PTPRD: variants seen among roughly 807,000 people sequenced by gnomAD.
PTPRD encodes the protein receptor-type tyrosine-protein phosphatase delta.
In PTPRD, 34 loss-of-function variants were observed where a neutral mutation model predicts 214.5. The observed-to-expected ratio is 0.16, with a 90% CI of 0.12 to 0.21. PTPRD has a LOEUF of 0.21. Among genes scored for constraint, PTPRD ranks in the 10% least tolerant of loss-of-function variants. The pLI, the probability that PTPRD is intolerant of heterozygous loss-of-function variation, is 1.00. For synonymous variants in PTPRD, 1,128 were observed against 845.7 expected, an observed-to-expected ratio of 1.33 and a Z score of -5.79; for missense variants, 2,545 against 2,398.7, an observed-to-expected ratio of 1.06 and a Z score of -1.27.
intron 12 of PTPRD, among the ~76,000 whole-genome samples, chr9:8,696,411 G>C (rs966007659): frequency 1.3e-4 from 20 of 152,316 alleles, no homozygotes; most frequent in African/African-American, 4.8e-4. Context: ...AATTCTAGAT[G>C]TGTGGAGGAA....
intron 5 of PTPRD, among the ~76,000 whole-genome samples, chr9:9,913,192 T>A (rs933406745): frequency 4.6e-5 from 7 of 152,172 alleles, no homozygotes; most frequent in African/African-American, 1.4e-4. Flanking sequence ...AAGAAAAGTA[T>A]GTTATGCATA....
chr9:8,803,833 T>G (rs2096619868), intron 11 of PTPRD, among the ~76,000 whole-genome samples: 1 of 152,082 alleles, frequency 6.6e-6, no homozygotes, highest in African/African-American at 2.4e-5. Flanking sequence ...AAAAGCCTAT[T>G]GCCAAAAAGC....
chr9:8,327,720 C>T (rs1051385793), intron 44 of PTPRD, among the ~76,000 whole-genome samples: 2 of 152,050 alleles, frequency 1.3e-5, no homozygotes, highest in Non-Finnish European at 2.9e-5. Context: ...CTGCATGCTC[C>T]TGTAGAGGGT....
chr9:8,409,039 T>C (rs548428324), intron 35 of PTPRD, among the ~76,000 whole-genome samples: 84 of 152,298 alleles, frequency 5.5e-4, no homozygotes, highest in Admixed American at 1.8e-3. Flanking sequence ...AAAAATAAGC[T>C]ATAGCAGATG....
chr9:9,936,113 A>G (rs1409982947), intron 5 of PTPRD, among the ~76,000 whole-genome samples: 1 of 146,030 alleles, frequency 6.8e-6, no homozygotes, highest in African/African-American at 2.8e-5. Context: ...TCGACCTAAA[A>G]CCATAAAAGC....
intron 7 of PTPRD, among the ~76,000 whole-genome samples, chr9:9,621,250 A>G (rs541242962): frequency 6.6e-6 from 1 of 152,354 alleles, no homozygotes; most frequent in East Asian, 1.9e-4. Flanking sequence ...CTAACAGTGG[A>G]TATTAGAACA....
chr9:8,758,921 G>A (rs566932001), intron 11 of PTPRD, among the ~76,000 whole-genome samples: 6 of 151,890 alleles, frequency 4.0e-5, no homozygotes, highest in South Asian at 4.2e-4. Flanking sequence ...TCCTGACCTC[G>A]TGATCCACCT....
intron 8 of PTPRD, among the ~76,000 whole-genome samples, chr9:9,460,655 A>G (rs1338373951): frequency 6.6e-6 from 1 of 152,182 alleles, no homozygotes; most frequent in East Asian, 1.9e-4. Flanking sequence ...AATAACTATT[A>G]TTAAAAAGTA....
At chr9:8,944,736 C>T (rs1174802801) in intron 11 of PTPRD, among the ~76,000 whole-genome samples, 1 of 151,706 alleles carries the variant, frequency 6.6e-6, no homozygotes, top group Non-Finnish European at 1.5e-5. Context: ...TGACGGTTAC[C>T]AGAGGCTGGG....
chr9:10,083,545 T>A (rs745307595), intron 3 of PTPRD, among the ~76,000 whole-genome samples: 1 of 152,032 alleles, frequency 6.6e-6, no homozygotes, highest in Non-Finnish European at 1.5e-5. Flanking sequence ...AATAAAAGCA[T>A]AAAGTTTTAA....
rs1554702865 is a variant in PTPRD at position 8,331,575 on chromosome 9, A to AACTTACCATTCTTGAACTGTAACTT, written c.5534+6_5534+7insAAGTTACAGTTCAAGAATGGTAAGT. Reference sequence around the variant, plus strand: ...TATCACTGCTTTATTCACAAATGGAAACTTACCTGCAATGGACTGAAATGG... The same window carrying AACTTACCATTCTTGAACTGTAACTT: ...TATCACTGCTTTATTCACAAATGGAAACTTACCATTCTTGAACTGTAACTTACTTACCTGCAATGGACTGAAATGG... On this transcript the variant is annotated splice_region_variant and intron_variant, in intron 44 of 45. Coordinates refer to ENST00000381196, the MANE Select transcript of PTPRD (RefSeq NM_002839.4). 14 of 1,509,578 alleles carry AACTTACCATTCTTGAACTGTAACTT rather than the reference A, an allele frequency of 9.3e-6. No homozygotes were observed. In the African/African-American group the frequency reaches 4.0e-4, roughly 43 times the overall value. 93.5% of individuals were successfully genotyped at this position (1,509,578 alleles called of 1,614,324 possible).
At chr9:8,678,267 G>A (rs563523629) in intron 12 of PTPRD, among the ~76,000 whole-genome samples, 1 of 152,110 alleles carries the variant, frequency 6.6e-6, no homozygotes, top group Admixed American at 6.6e-5. Context: ...ACGACCCCGG[G>A]AGTCCTAGAT....
intron 3 of PTPRD, among the ~76,000 whole-genome samples, chr9:10,278,457 C>A (rs1400779965): frequency 6.6e-6 from 1 of 152,048 alleles, no homozygotes; most frequent in Non-Finnish European, 1.5e-5. Context: ...TGCCTCCCTC[C>A]AAAATCAGAC....
chr9:8,864,618 AG>A, intron 11 of PTPRD, among the ~76,000 whole-genome samples: 1 of 152,208 alleles, frequency 6.6e-6, no homozygotes, highest in African/African-American at 2.4e-5. Context: ...AAACTCACTC[AG>A]AAGTGAAATA....
chr9:8,943,495 G>C (rs958771704), intron 11 of PTPRD, among the ~76,000 whole-genome samples: 1 of 151,622 alleles, frequency 6.6e-6, no homozygotes, highest in Admixed American at 6.6e-5. Context: ...ACTTATTTTT[G>C]ACAACGGTGC....
At chr9:8,896,026 C>T (rs1042741093) in intron 11 of PTPRD, among the ~76,000 whole-genome samples, 1 of 152,146 alleles carries the variant, frequency 6.6e-6, no homozygotes, top group Non-Finnish European at 1.5e-5. Context: ...TCTTTTAAAT[C>T]TGACACACTT....
At chr9:9,593,885 T>C (rs1038430860) in intron 7 of PTPRD, among the ~76,000 whole-genome samples, 2 of 152,036 alleles carry the variant, frequency 1.3e-5, no homozygotes, top group African/African-American at 4.8e-5. Flanking sequence ...ATGACTTACT[T>C]CAGTAACTTT....
At chr9:8,642,432 C>T (rs1398674555) in intron 12 of PTPRD, among the ~76,000 whole-genome samples, 2 of 152,106 alleles carry the variant, frequency 1.3e-5, no homozygotes, top group Non-Finnish European at 2.9e-5. Context: ...GTGAATATTG[C>T]TGTTAAATGA....
At chr9:8,605,827 T>G (rs2095175433) in intron 14 of PTPRD, among the ~76,000 whole-genome samples, 1 of 152,150 alleles carries the variant, frequency 6.6e-6, no homozygotes, top group Non-Finnish European at 1.5e-5. Context: ...CATACTCTAC[T>G]TACTAGGGAT....
Sources: gnomAD v4.1 joint callset for allele counts (sites outside exome capture counted in the v4.1 genomes callset) on GRCh38, gnomAD v4.1.1 for gene constraint, MANE v1.5 for transcripts, NCBI Gene and HGNC (gene_info 2026-07-23, HGNC 2026-07-21) for gene names.